The following PACSIN2 variants were observed in gnomAD, a reference collection of about 807,000 sequenced individuals.
PACSIN2 encodes protein kinase C and casein kinase substrate in neurons protein 2.
A neutral mutation model predicts 63.8 loss-of-function variants in PACSIN2; 25 were observed. The ratio of observed to expected loss-of-function variants is 0.39; its 90% CI spans 0.29 to 0.55. PACSIN2 has a LOEUF of 0.55. PACSIN2 is among the 20% of genes least tolerant of loss of function. The pLI is 0.62. For synonymous variants in PACSIN2, 255 were observed against 256.2 expected (o/e 1.00, Z 0.05); for missense variants, 518 against 646.9 (o/e 0.80, Z 2.16).
In PACSIN2 at chr22:42,883,872, C is replaced by T. The variant is rs575295240; in HGVS notation, c.785+514G>A. On this transcript the variant is annotated intron_variant, in intron 6 of 10. Transcript: ENST00000263246. ...TACAGAAATTAGCTGGGTGTGGTGG[C>T]GCATGCCTGTAATCCCAGCTACTCG... is the stretch of plus-strand genomic sequence containing the variant. 6.6e-5 allele frequency among the ~76,000 whole-genome samples: 10 copies of T among 152,216 alleles called. No individual in the cohort carries two copies. In the East Asian group the frequency reaches 1.7e-3, roughly 26 times the overall value.
chr22:42,960,368 G>C (rs1383550670), intron 1 of PACSIN2, among the ~76,000 whole-genome samples: 1 of 152,154 alleles, frequency 6.6e-6, no homozygotes, highest in East Asian at 1.9e-4. Flanking sequence ...ATGCCTGTCA[G>C]CAGATGAACA....
At chr22:42,986,331 T>C (rs1235763847) in intron 1 of PACSIN2, among the ~76,000 whole-genome samples, 1 of 152,120 alleles carries the variant, frequency 6.6e-6, no homozygotes, top group African/African-American at 2.4e-5. Flanking sequence ...CCCTGGCTGT[T>C]TGGAAAAGCG....
intron 5 of PACSIN2, among the ~76,000 whole-genome samples, chr22:42,887,321 A>G (rs113823565): frequency 4.2e-4 from 64 of 152,310 alleles, no homozygotes; most frequent in African/African-American, 1.4e-3. Context: ...GAGAAAGGGC[A>G]TATGTATGGG....
intron 1 of PACSIN2, among the ~76,000 whole-genome samples, chr22:42,999,351 A>G (rs572258534): frequency 2.0e-5 from 3 of 151,316 alleles, no homozygotes; most frequent in South Asian, 2.1e-4. Flanking sequence ...GTGTGTGTGT[A>G]TGTGTGTGTA....
chr22:42,924,236 A>G (rs117392913), intron 1 of PACSIN2, among the ~76,000 whole-genome samples: 2,257 of 152,080 alleles, frequency 0.015, 34 homozygotes, highest in Middle Eastern at 0.044. Flanking sequence ...GCATCTCTCC[A>G]CTGTCAGTGC....
intron 1 of PACSIN2, among the ~76,000 whole-genome samples, chr22:42,993,950 C>T (rs1321544347): frequency 6.6e-6 from 1 of 152,180 alleles, no homozygotes; most frequent in East Asian, 1.9e-4. Flanking sequence ...AGCTGCTCAC[C>T]CCCAAGCCAC....
intron 1 of PACSIN2, among the ~76,000 whole-genome samples, chr22:42,945,116 C>T (rs1452439271): frequency 6.7e-6 from 1 of 149,562 alleles, no homozygotes; most frequent in Non-Finnish European, 1.5e-5. Flanking sequence ...AAAAAAGAGG[C>T]AAGGGCTGTG....
chr22:42,952,038 C>T (rs533677401), intron 1 of PACSIN2, among the ~76,000 whole-genome samples: 7 of 152,334 alleles, frequency 4.6e-5, no homozygotes, highest in African/African-American at 1.7e-4. Context: ...AGAAAGCCTT[C>T]CCCCAGCCCT....
At chr22:42,988,706 GA>G (rs1922802409) in intron 1 of PACSIN2, among the ~76,000 whole-genome samples, 1 of 152,214 alleles carries the variant, frequency 6.6e-6, no homozygotes, top group South Asian at 2.1e-4. Flanking sequence ...TCTCTTTCAA[GA>G]AGGGATACCA....
chr22:42,883,553 C>T (rs902587519), intron 6 of PACSIN2, among the ~76,000 whole-genome samples: 3 of 152,234 alleles, frequency 2.0e-5, no homozygotes, highest in Non-Finnish European at 4.4e-5. Flanking sequence ...AACAGCACAG[C>T]TTCCATATCA....
At chr22:42,882,659 G>A (rs540291112) in intron 6 of PACSIN2, among the ~76,000 whole-genome samples, 66 of 152,352 alleles carry the variant, frequency 4.3e-4, no homozygotes, top group Admixed American at 8.5e-4. Flanking sequence ...GAGGGTGTTA[G>A]AAAGTACCCC....
intron 1 of PACSIN2, among the ~76,000 whole-genome samples, chr22:42,976,390 G>GAGGCAACACTGGCCAGCCC (rs1315989876): frequency 3.9e-5 from 6 of 152,232 alleles, no homozygotes; most frequent in African/African-American, 1.4e-4. Context: ...AGACAGAGCA[G>GAGGCAACACTGGCCAGCCC]AGGCAACACT....
chr22:42,953,797 G>A (rs895728152), intron 1 of PACSIN2, among the ~76,000 whole-genome samples: 3 of 152,130 alleles, frequency 2.0e-5, no homozygotes, highest in Non-Finnish European at 2.9e-5. Context: ...ATGATGTCTC[G>A]ACACACGATA....
At chr22:42,898,961 C>T (rs1199169429) in intron 2 of PACSIN2, among the ~76,000 whole-genome samples, 2 of 152,184 alleles carry the variant, frequency 1.3e-5, no homozygotes, top group Non-Finnish European at 2.9e-5. Context: ...AAAGAGGCCA[C>T]GTCAGCTCCT....
intron 7 of PACSIN2, 108 bp from the exon 8 acceptor site, chr22:42,879,277 G>A: frequency 8.1e-7 from 1 of 1,228,358 alleles, no homozygotes; most frequent in Non-Finnish European, 1.1e-6. Flanking sequence ...CTGTGCATCT[G>A]ATGTGTAGAC....
chr22:42,986,110 G>C (rs1188668354), intron 1 of PACSIN2, among the ~76,000 whole-genome samples: 8 of 152,064 alleles, frequency 5.3e-5, no homozygotes, highest in Non-Finnish European at 7.3e-5. Flanking sequence ...CCTTTCCCCA[G>C]AATTAACACA....
In PACSIN2 at chr22:43,012,397, A is replaced by C. The variant is rs531700259; in HGVS notation, c.-78+2624T>G. Among the ~76,000 whole-genome samples the C allele has an allele frequency of 3.3e-5, 5 of 151,550 alleles. No individual in the cohort carries two copies. In the East Asian group the frequency reaches 9.7e-4, roughly 30 times the overall value. Reference sequence around the variant, plus strand: ...CCATCAGAGATGTGGATGGGTATCCAGGATTAGGGAAAAGTTCATGTTATC... The same window carrying C: ...CCATCAGAGATGTGGATGGGTATCCCGGATTAGGGAAAAGTTCATGTTATC... On this transcript the variant is annotated intron_variant, in intron 1 of 10. Coordinates refer to ENST00000263246, the MANE Select transcript of PACSIN2 (RefSeq NM_001184970.3).
chr22:42,873,503 T>C (rs1313498828), intron 10 of PACSIN2, among the ~76,000 whole-genome samples: 1 of 152,176 alleles, frequency 6.6e-6, no homozygotes, highest in Non-Finnish European at 1.5e-5. Flanking sequence ...GGCTGAAGAC[T>C]GGTTAGAAGC....
chr22:42,961,646 G>A (rs1934139690), intron 1 of PACSIN2, among the ~76,000 whole-genome samples: 1 of 151,918 alleles, frequency 6.6e-6, no homozygotes, highest in Non-Finnish European at 1.5e-5. Context: ...AGTGGCACAT[G>A]CCTGTAATCC....
Sources: allele counts gnomAD v4.1 joint callset (sites outside exome capture counted in the v4.1 genomes callset), GRCh38; gene constraint gnomAD v4.1.1; transcripts MANE v1.5; gene names NCBI Gene and HGNC (gene_info 2026-07-23, HGNC 2026-07-21).